The following UGT2B7 variants were observed in gnomAD, a reference collection of about 807,000 sequenced individuals.
UGT2B7 encodes the protein UDP glucuronosyltransferase family 2 member B7.
UGT2B7 carries 51 observed loss-of-function variants against 51.9 expected under a neutral mutation model. That is an observed-to-expected ratio of 0.98 (90% CI 0.78 to 1.24). The LOEUF (loss-of-function observed/expected upper bound fraction) is 1.24. UGT2B7 is among the 50% of genes most tolerant of loss of function. The pLI is 0.00. For missense variants in UGT2B7, 727 were observed against 628.4 expected (o/e 1.16, Z -1.68); for synonymous variants, 225 against 211.6 (o/e 1.06, Z -0.55).
At chr4:69,077,382 C>A (rs1718732188) in intron 1 of UGT2B7, among the ~76,000 whole-genome samples, 1 of 152,062 alleles carries the variant, frequency 6.6e-6, no homozygotes. Flanking sequence ...GTCAGTATGG[C>A]CATTTTCACG....
chr4:69,059,386 G>C (rs917015155), intron 1 of UGT2B7, among the ~76,000 whole-genome samples: 1 of 152,168 alleles, frequency 6.6e-6, no homozygotes, highest in African/African-American at 2.4e-5. Flanking sequence ...GCTGGGAAGA[G>C]ACCTACTTCA....
At chr4:69,058,049 A>ATT (rs1432809864) in intron 1 of UGT2B7, among the ~76,000 whole-genome samples, 1 of 152,232 alleles carries the variant, frequency 6.6e-6, no homozygotes, top group East Asian at 1.9e-4. Flanking sequence ...GTTCAAGCCG[A>ATT]GAGTAATCAG....
In UGT2B7 at chr4:69,111,066, T is replaced by G. The variant is rs959546776; in HGVS notation, c.1311-1391T>G. Among the ~76,000 whole-genome samples, 81 of 152,100 alleles carry G rather than the reference T, an allele frequency of 5.3e-4. 1 individual carries two copies. The highest frequency in any genetic ancestry group is 4.1e-4 in the Non-Finnish European group (28 of 67,978). On this transcript the variant is annotated intron_variant, in intron 5 of 5. Transcript: ENST00000305231. ...GAAGCCACAAGAAGGGAGAGAAGCA[T>G]TCCTTGGGTTGTAGCAAGAGAGAGT...
At chr4:69,061,666 C>T (rs952656281) in intron 1 of UGT2B7, among the ~76,000 whole-genome samples, 7 of 152,172 alleles carry the variant, frequency 4.6e-5, no homozygotes, top group Admixed American at 2.6e-4. Context: ...ATGAGAAAAA[C>T]GGTGCTAGAG....
At chr4:69,101,620 C>G (rs1719419909) in intron 2 of UGT2B7, among the ~76,000 whole-genome samples, 1 of 143,068 alleles carries the variant, frequency 7.0e-6, no homozygotes, top group Non-Finnish European at 1.5e-5. Flanking sequence ...TACAATGACT[C>G]TCATGTTAAG....
intron 3 of UGT2B7, 26 bp from the exon 4 acceptor site, chr4:69,107,149 A>C: frequency 1.3e-6 from 2 of 1,596,800 alleles, no homozygotes; most frequent in Non-Finnish European, 1.7e-6. Context: ...CACTCATGGA[A>C]TAAAATATTT....
chr4:69,105,150 A>T (rs1473465976), intron 3 of UGT2B7, among the ~76,000 whole-genome samples: 1 of 152,172 alleles, frequency 6.6e-6, no homozygotes. Flanking sequence ...AGGACTCTGC[A>T]CTATCAGATT....
At chr4:69,052,024 C>T (rs569583236) in intron 1 of UGT2B7, among the ~76,000 whole-genome samples, 80 of 152,174 alleles carry the variant, frequency 5.3e-4, no homozygotes, top group African/African-American at 1.9e-3. Flanking sequence ...AGTAAGCCCA[C>T]CCCACTGAGA....
At chr4:69,096,312 G>T (rs960102496), upstream of UGT2B7, among the ~76,000 whole-genome samples, 1 of 152,232 alleles carries the variant, frequency 6.6e-6, no homozygotes, top group Middle Eastern at 3.4e-3. Context: ...ACATAAAAGG[G>T]AAATTAATCA....
At chr4:69,065,273 T>G (rs980893260) in intron 1 of UGT2B7, among the ~76,000 whole-genome samples, 2 of 152,078 alleles carry the variant, frequency 1.3e-5, no homozygotes, top group Admixed American at 6.6e-5. Context: ...CCATGTAGAT[T>G]TAGAGAAATA....
rs560250882 is a variant in UGT2B7 at position 69,062,373 on chromosome 4, T to C, written c.-159+10771T>C. On this transcript the variant is annotated intron_variant, in intron 1 of 5. Transcript: ENST00000502942. ...CAAATGCAGGCTTTAGATATGGCCA[T>C]GCAAAAAGTATATGGCTAAGCGCAG... 2.6e-5 allele frequency among the ~76,000 whole-genome samples: 4 copies of C among 152,306 alleles called. No individual in the cohort carries two copies. The South Asian group carries it at 8.3e-4, about 32-fold the overall frequency.
At chr4:69,063,652 T>C (rs1430465709) in intron 1 of UGT2B7, among the ~76,000 whole-genome samples, 2 of 152,150 alleles carry the variant, frequency 1.3e-5, no homozygotes, top group African/African-American at 4.8e-5. Context: ...AAAGCCATCA[T>C]AGAAATAGCT....
chr4:69,066,190 C>G (rs185269072), intron 1 of UGT2B7, among the ~76,000 whole-genome samples: 4 of 152,248 alleles, frequency 2.6e-5, no homozygotes, highest in African/African-American at 9.6e-5. Flanking sequence ...CTTTTAAGTT[C>G]AGGCGTACAT....
intron 1 of UGT2B7, among the ~76,000 whole-genome samples, chr4:69,056,278 C>T (rs1049988030): frequency 2.6e-5 from 4 of 152,134 alleles, no homozygotes; most frequent in Non-Finnish European, 5.9e-5. Context: ...AGATACTAGA[C>T]CCCCATCTAA....
At chr4:69,074,501 G>GA (rs11418782) in intron 1 of UGT2B7, among the ~76,000 whole-genome samples, 63,050 of 148,914 alleles carry the variant, frequency 0.42, 14,889 homozygotes, top group African/African-American at 0.63. Flanking sequence ...ATCCTTGGGT[G>GA]AAAATCTTCC....
chr4:69,106,433 G>A (rs910322674), intron 3 of UGT2B7, among the ~76,000 whole-genome samples: 10 of 151,936 alleles, frequency 6.6e-5, no homozygotes, highest in African/African-American at 1.7e-4. Context: ...ACATAATTTT[G>A]TTCTTTTTTA....
chr4:69,057,904 T>C (rs6600865), intron 1 of UGT2B7, among the ~76,000 whole-genome samples: 70,280 of 151,998 alleles, frequency 0.46, 17,799 homozygotes, highest in African/African-American at 0.67. Context: ...TACTTATAGA[T>C]AGGGACACAA....
At chr4:69,082,095 G>A (rs926174463) in intron 1 of UGT2B7, among the ~76,000 whole-genome samples, 3 of 151,802 alleles carry the variant, frequency 2.0e-5, no homozygotes, top group South Asian at 2.1e-4. Flanking sequence ...ATTGGTTTGC[G>A]GCATCACAAA....
At chr4:69,074,053 A>G (rs181880011) in intron 1 of UGT2B7, among the ~76,000 whole-genome samples, 48 of 152,230 alleles carry the variant, frequency 3.2e-4, no homozygotes, top group African/African-American at 9.6e-4. Context: ...TTATTTAAAA[A>G]TCTCATTTTG....
Sources: allele counts gnomAD v4.1 joint callset (sites outside exome capture counted in the v4.1 genomes callset), GRCh38; gene constraint gnomAD v4.1.1; transcripts MANE v1.5; gene names NCBI Gene and HGNC (gene_info 2026-07-23, HGNC 2026-07-21).